Variants in SEMA6D observed in about 807,000 individuals in gnomAD.
SEMA6D encodes the protein semaphorin-6D.
SEMA6D carries 35 observed loss-of-function variants against 106.6 expected under a neutral mutation model. That is an observed-to-expected ratio of 0.33 (90% CI 0.25 to 0.44). The LOEUF is 0.44. Ranked by LOEUF, SEMA6D falls within the 20% of genes least tolerant of loss-of-function variation. SEMA6D has a pLI of 1.00. For synonymous variants in SEMA6D, 499 were observed against 487.7 expected (o/e 1.02, Z -0.31); for missense variants, 1,185 against 1,345.9 (o/e 0.88, Z 1.87).
chr15:47,513,246 T>C (rs1434059610), intron 3 of SEMA6D, among the ~76,000 whole-genome samples: 2 of 152,158 alleles, frequency 1.3e-5, no homozygotes, highest in African/African-American at 4.8e-5. Context: ...GTATCTGTGA[T>C]ACATATGTAT....
At chr15:47,667,366 CAT>C (rs1466386172) in intron 4 of SEMA6D, among the ~76,000 whole-genome samples, 1 of 152,160 alleles carries the variant, frequency 6.6e-6, no homozygotes, top group Non-Finnish European at 1.5e-5. Context: ...TAGAGCTACA[CAT>C]ATTCTCAAGC....
chr15:47,185,146 C>T (rs1333636980), intron 1 of SEMA6D, among the ~76,000 whole-genome samples: 2 of 152,088 alleles, frequency 1.3e-5, no homozygotes, highest in Non-Finnish European at 2.9e-5. Flanking sequence ...CCAGGCTGAG[C>T]GACACAGACA....
intron 3 of SEMA6D, among the ~76,000 whole-genome samples, chr15:47,600,035 C>T (rs1445014941): frequency 2.0e-5 from 3 of 151,814 alleles, no homozygotes; most frequent in South Asian, 2.1e-4. Context: ...CCTGGAGTAT[C>T]GGTCAACCAT....
intron 1 of SEMA6D, among the ~76,000 whole-genome samples, chr15:47,243,491 T>C (rs1020086370): frequency 1.3e-5 from 2 of 152,024 alleles, no homozygotes; most frequent in Non-Finnish European, 2.9e-5. Context: ...TGATTTTAAC[T>C]TGAATAGTTA....
intron 1 of SEMA6D, among the ~76,000 whole-genome samples, chr15:47,753,937 A>T (rs1404029685): frequency 6.6e-6 from 1 of 152,186 alleles, no homozygotes; most frequent in African/African-American, 2.4e-5. Flanking sequence ...TCAACATGGT[A>T]TCTCTCTGGG....
At chr15:47,258,194 T>C (rs1329903344) in intron 1 of SEMA6D, among the ~76,000 whole-genome samples, 1 of 152,214 alleles carries the variant, frequency 6.6e-6, no homozygotes, top group Non-Finnish European at 1.5e-5. Flanking sequence ...AGTTATGCAA[T>C]TTATTTAAAT....
chr15:47,478,865 G>C (rs1457487508), intron 3 of SEMA6D, among the ~76,000 whole-genome samples: 1 of 152,104 alleles, frequency 6.6e-6, no homozygotes, highest in Non-Finnish European at 1.5e-5. Flanking sequence ...GAAGACGAAG[G>C]AGGGGCAAAG....
intron 2 of SEMA6D, among the ~76,000 whole-genome samples, chr15:47,468,755 A>G (rs1044572889): frequency 1.6e-4 from 24 of 152,154 alleles, no homozygotes; most frequent in Admixed American, 1.3e-4. Flanking sequence ...TTAATATCCA[A>G]TATCCAGGTT....
chr15:47,654,716 C>G (rs541686355), intron 4 of SEMA6D, among the ~76,000 whole-genome samples: 3 of 152,326 alleles, frequency 2.0e-5, no homozygotes, highest in South Asian at 2.1e-4. Flanking sequence ...CTCCTCCCCC[C>G]ACTGCCTTTC....
Position 47,764,301 on chromosome 15 carries a change from C to A in SEMA6D, c.1093C>A (p.Pro365Thr). 1 of 1,611,162 alleles carries A rather than the reference C, an allele frequency of 6.2e-7. No homozygotes were observed. Residue 365 changes from proline to threonine, a missense_variant, in exon 11 of 19, where the codon CCA (proline) becomes ACA (threonine). Physicochemically the swap from Pro to Thr is conservative, Grantham distance 38. This residue lies in a region of SEMA6D where 291 missense variants were observed against 423.8 expected (regional missense o/e 0.69). Coordinates refer to ENST00000536845, the MANE Select transcript of SEMA6D (RefSeq NM_001358351.3). ...TAVPEDKVPK[P>T]RPGCCAKHGL... ...AGTTCCCGAAGACAAAGTGCCAAAG[C>A]CAAGGTAAATAAAAAAGTAGAAAAG...
intron 2 of SEMA6D, among the ~76,000 whole-genome samples, chr15:47,433,067 C>CT (rs1407438283): frequency 1.3e-5 from 2 of 151,986 alleles, no homozygotes; most frequent in Admixed American, 6.6e-5. Context: ...AGACAGTGTG[C>CT]TAAGTGCTGA....
chr15:47,469,702 G>C (rs1341031249), intron 2 of SEMA6D, among the ~76,000 whole-genome samples: 5 of 152,042 alleles, frequency 3.3e-5, no homozygotes, highest in African/African-American at 4.8e-5. Flanking sequence ...CCTTGACTCT[G>C]TCTTCATTTA....
intron 4 of SEMA6D, among the ~76,000 whole-genome samples, chr15:47,631,386 C>T (rs1216881210): frequency 2.6e-5 from 4 of 151,424 alleles, no homozygotes; most frequent in Admixed American, 2.6e-4. Flanking sequence ...ATCTGCTGTA[C>T]TCTGTGGTAA....
intron 3 of SEMA6D, among the ~76,000 whole-genome samples, chr15:47,523,518 T>G (rs184134825): frequency 2.3e-4 from 35 of 152,188 alleles, no homozygotes; most frequent in Non-Finnish European, 3.8e-4. Context: ...AAAGAGCTCA[T>G]CGTCCTCTCA....
At chr15:47,454,630 G>C (rs946657980) in intron 2 of SEMA6D, among the ~76,000 whole-genome samples, 1 of 125,410 alleles carries the variant, frequency 8.0e-6, no homozygotes, top group South Asian at 2.4e-4. Flanking sequence ...CACACACAGA[G>C]CTTTTTACCC....
intron 4 of SEMA6D, among the ~76,000 whole-genome samples, chr15:47,691,522 A>C (rs1313684219): frequency 6.6e-6 from 1 of 152,204 alleles, no homozygotes; most frequent in African/African-American, 2.4e-5. Flanking sequence ...AGTGTTGGAC[A>C]AGTCTTTAAC....
In SEMA6D at chr15:47,336,635, G is replaced by A. The variant is rs77813729; in HGVS notation, c.-238-75758G>A. 4.5e-3 allele frequency among the ~76,000 whole-genome samples: 678 copies of A among 152,288 alleles called. 10 individuals are homozygous for A. The highest frequency in any genetic ancestry group is 0.016 in the African/African-American group (654 of 41,552). On this transcript the variant is annotated intron_variant, in intron 1 of 19. Transcript: ENST00000558014. The stretch of plus-strand genomic sequence containing the variant: ...GAGAAATGCTCTAATAGGGACGGCA[G>A]TGTCCAGAAGTGTTTTGTAATACAA...
intron 1 of SEMA6D, among the ~76,000 whole-genome samples, chr15:47,242,361 C>A (rs2032963545): frequency 7.9e-5 from 12 of 152,082 alleles, no homozygotes; most frequent in Admixed American, 7.9e-4. Context: ...TCAGTAGTTG[C>A]TTTACCAAGG....
chr15:47,612,291 AAGAC>A (rs2076922912), intron 4 of SEMA6D, among the ~76,000 whole-genome samples: 1 of 152,198 alleles, frequency 6.6e-6, no homozygotes, highest in African/African-American at 2.4e-5. Context: ...CATGGTGACT[AAGAC>A]AGAACTTTCT....
Sources: gnomAD v4.1 joint callset for allele counts (sites outside exome capture counted in the v4.1 genomes callset) on GRCh38, gnomAD v4.1.1 for gene constraint, gnomAD v4.1.1 regional missense constraint, MANE v1.5 for transcripts, NCBI Gene and HGNC (gene_info 2026-07-23, HGNC 2026-07-21) for gene names.